The following CFAP299 variants were observed in gnomAD, a reference collection of about 807,000 sequenced individuals.
The protein encoded by CFAP299 is cilia and flagella associated protein 299.
Under a neutral mutation model 27.0 loss-of-function variants are expected in CFAP299, and 21 were observed. The ratio of observed to expected loss-of-function variants is 0.78; its 90% confidence interval spans 0.55 to 1.12. The LOEUF is 1.12. CFAP299 is among the 50% of genes most tolerant of loss of function. The probability of loss-of-function intolerance (pLI) is 0.00; values close to 1 mark genes in which losing one functional copy is unlikely to be tolerated. For synonymous variants in CFAP299, 104 were observed against 98.1 expected (o/e 1.06, Z -0.36); for missense variants, 310 against 276.6 (o/e 1.12, Z -0.86).
chr4:80,580,206 T>C (rs1462844238), intron 2 of CFAP299, among the ~76,000 whole-genome samples: 2 of 152,124 alleles, frequency 1.3e-5, no homozygotes, highest in Non-Finnish European at 2.9e-5. Flanking sequence ...TACCTTTCAT[T>C]CTTGTGTCTC....
At chr4:80,812,627 A>G (rs1332287468) in intron 3 of CFAP299, among the ~76,000 whole-genome samples, 2 of 151,640 alleles carry the variant, frequency 1.3e-5, no homozygotes, top group Non-Finnish European at 2.9e-5. Flanking sequence ...TAGAACTTGC[A>G]GTCTAGTGCA....
chr4:80,889,198 T>C (rs538957557), intron 4 of CFAP299, among the ~76,000 whole-genome samples: 1 of 138,196 alleles, frequency 7.2e-6, no homozygotes, highest in Non-Finnish European at 1.5e-5. Flanking sequence ...AAATAAAAGT[T>C]TTTTTTTAAA....
At chr4:80,690,115 T>C (rs1355708923) in intron 3 of CFAP299, among the ~76,000 whole-genome samples, 4 of 149,062 alleles carry the variant, frequency 2.7e-5, no homozygotes, top group Admixed American at 6.6e-5. Flanking sequence ...CACCCCACTG[T>C]CAACATTAGG....
chr4:80,481,352 A>G (rs1730559176), intron 2 of CFAP299, among the ~76,000 whole-genome samples: 1 of 152,128 alleles, frequency 6.6e-6, no homozygotes, highest in South Asian at 2.1e-4. Context: ...AAATAATACA[A>G]TATTTTAAAA....
intron 2 of CFAP299, among the ~76,000 whole-genome samples, chr4:80,406,618 A>T (rs1256425349): frequency 6.6e-6 from 1 of 152,108 alleles, no homozygotes; most frequent in Non-Finnish European, 1.5e-5. Flanking sequence ...CTCCCATCTT[A>T]GTTAGTCTCC....
chr4:80,450,064 T>C (rs1728824346), intron 2 of CFAP299, among the ~76,000 whole-genome samples: 1 of 152,136 alleles, frequency 6.6e-6, no homozygotes, highest in South Asian at 2.1e-4. Context: ...GTAATCTATA[T>C]TGGCACAATG....
At chr4:80,364,777 A>C (rs1000450700) in intron 2 of CFAP299, among the ~76,000 whole-genome samples, 1 of 152,074 alleles carries the variant, frequency 6.6e-6, no homozygotes, top group African/African-American at 2.4e-5. Context: ...TGACAGGCTC[A>C]CTGTGTGTCA....
chr4:80,824,304 C>T (rs1240825733), intron 3 of CFAP299, among the ~76,000 whole-genome samples: 1 of 152,140 alleles, frequency 6.6e-6, no homozygotes, highest in Non-Finnish European at 1.5e-5. Context: ...CATCCTCTAC[C>T]TCCAACCAAA....
intron 2 of CFAP299, among the ~76,000 whole-genome samples, chr4:80,536,321 G>T (rs1310894855): frequency 6.6e-6 from 1 of 152,146 alleles, no homozygotes; most frequent in Non-Finnish European, 1.5e-5. Flanking sequence ...TATATGCTCT[G>T]ATTTAATAAA....
intron 3 of CFAP299, among the ~76,000 whole-genome samples, chr4:80,603,401 T>C (rs1737468515): frequency 6.6e-6 from 1 of 152,122 alleles, no homozygotes; most frequent in South Asian, 2.1e-4. Context: ...TATACATACA[T>C]ATATGTACAT....
intron 3 of CFAP299, among the ~76,000 whole-genome samples, chr4:80,841,437 C>T (rs1730857475): frequency 6.6e-6 from 1 of 152,046 alleles, no homozygotes; most frequent in African/African-American, 2.4e-5. Flanking sequence ...CAACATAATC[C>T]CTGACTATAT....
chr4:80,655,200 C>G lies in CFAP299; in HGVS notation c.333+72017C>G, dbSNP rs149379738. On this transcript the variant is annotated intron_variant, in intron 3 of 5. Coordinates refer to ENST00000358105, the MANE Select transcript of CFAP299 (RefSeq NM_152770.3). ...ACTGATTGACTACAATAGGTATTAT[C>G]CATTTAATTATCCATAACATATCGG... 3.3e-5 allele frequency among the ~76,000 whole-genome samples: 5 copies of G among 152,206 alleles called. No individual in the cohort carries two copies. In the East Asian group the frequency reaches 9.6e-4, roughly 29 times the overall value.
chr4:80,551,390 G>A (rs1040925886), intron 2 of CFAP299, among the ~76,000 whole-genome samples: 10 of 151,968 alleles, frequency 6.6e-5, no homozygotes, highest in Non-Finnish European at 1.3e-4. Flanking sequence ...TTCTTGTAAA[G>A]GATAGGACAT....
intron 2 of CFAP299, among the ~76,000 whole-genome samples, chr4:80,397,872 G>A (rs1022206234): frequency 7.2e-5 from 11 of 152,012 alleles, no homozygotes; most frequent in Admixed American, 1.3e-4. Flanking sequence ...AAGGGTATTC[G>A]ATAAGGAAAA....
Position 80,377,121 on chromosome 4 carries a change from G to A in CFAP299, c.242+14237G>A, listed in dbSNP as rs182517169. On this transcript the variant is annotated intron_variant, in intron 2 of 5. Transcript: ENST00000358105. Reference sequence around the variant, plus strand: ...AGAGTAGATTTAAATTTTGATAAACGCCAGTTTATCAGTTTTTCTTTAAGG... The same window carrying A: ...AGAGTAGATTTAAATTTTGATAAACACCAGTTTATCAGTTTTTCTTTAAGG... Among the ~76,000 whole-genome samples the A allele has an allele frequency of 3.2e-3, 482 of 151,752 alleles. 4 individuals carry two copies. The highest frequency in any genetic ancestry group is 0.01 in the African/African-American group (434 of 41,372).
intron 3 of CFAP299, among the ~76,000 whole-genome samples, chr4:80,670,670 T>C (rs1741424453): frequency 6.6e-6 from 1 of 152,190 alleles, no homozygotes; most frequent in Non-Finnish European, 1.5e-5. Flanking sequence ...GAATTTTTAA[T>C]GATCACCATT....
chr4:80,858,113 A>G (rs921985407), intron 3 of CFAP299, among the ~76,000 whole-genome samples: 2 of 152,176 alleles, frequency 1.3e-5, no homozygotes, highest in Admixed American at 1.3e-4. Context: ...CAGAGATTCA[A>G]CTTCTTCCTA....
intron 3 of CFAP299, among the ~76,000 whole-genome samples, chr4:80,671,320 G>A (rs1386607071): frequency 2.0e-5 from 3 of 152,094 alleles, no homozygotes; most frequent in African/African-American, 7.2e-5. Flanking sequence ...TGTTCTTTCT[G>A]AGGCCTCTGT....
chr4:80,962,443 T>C (rs1175647638), intron 5 of CFAP299, among the ~76,000 whole-genome samples: 4 of 151,964 alleles, frequency 2.6e-5, no homozygotes, highest in Non-Finnish European at 5.9e-5. Context: ...GGGCAAGATA[T>C]TTTCCATTAC....
Sources: gnomAD v4.1 joint callset for allele counts (sites outside exome capture counted in the v4.1 genomes callset) on GRCh38, gnomAD v4.1.1 for gene constraint, MANE v1.5 for transcripts, NCBI Gene and HGNC (gene_info 2026-07-23, HGNC 2026-07-21) for gene names.